The following DSCAM variants were observed in gnomAD, a reference collection of about 807,000 sequenced individuals.
DSCAM encodes the protein cell adhesion molecule DSCAM.
Under a neutral mutation model 217.7 loss-of-function variants are expected in DSCAM, and 47 were observed. That is an observed-to-expected ratio of 0.22 (90% CI 0.17 to 0.28). The LOEUF is 0.28. Ranked by LOEUF, DSCAM falls within the 10% of genes least tolerant of loss-of-function variation. DSCAM has a pLI of 1.00. For missense variants in DSCAM, 2,080 were observed against 2,618.3 expected (o/e 0.79, Z 4.49); for synonymous variants, 1,056 against 1,015.3 (o/e 1.04, Z -0.76).
intron 32 of DSCAM, among the ~76,000 whole-genome samples, chr21:40,039,308 TCA>T (rs146715485): frequency 0.022 from 3,099 of 141,748 alleles, 102 homozygotes; most frequent in African/African-American, 0.073. Flanking sequence ...GAAATAAAAA[TCA>T]AAAAAAAAAA....
At chr21:40,566,530 A>G (rs2076766146) in intron 3 of DSCAM, among the ~76,000 whole-genome samples, 1 of 152,242 alleles carries the variant, frequency 6.6e-6, no homozygotes, top group South Asian at 2.1e-4. Flanking sequence ...ATTATTCATT[A>G]TGCAAAAGTA....
intron 2 of DSCAM, 23 bp downstream of exon 2, chr21:40,708,431 A>G: frequency 7.2e-7 from 1 of 1,386,180 alleles, no homozygotes; most frequent in Non-Finnish European, 9.4e-7. Flanking sequence ...CACAGAAAAA[A>G]CAAAGCCCAG....
chr21:40,466,003 T>C (rs2075842196), intron 3 of DSCAM, among the ~76,000 whole-genome samples: 1 of 152,030 alleles, frequency 6.6e-6, no homozygotes, highest in Non-Finnish European at 1.5e-5. Context: ...CCTGCAAAAA[T>C]CTCAAAAAGA....
At chr21:40,698,026 T>G (rs1257081769) in intron 2 of DSCAM, among the ~76,000 whole-genome samples, 1 of 152,198 alleles carries the variant, frequency 6.6e-6, no homozygotes, top group Non-Finnish European at 1.5e-5. Context: ...TTCTTTATAT[T>G]TTTAGCATAT....
intron 32 of DSCAM, among the ~76,000 whole-genome samples, chr21:40,033,880 G>T (rs935080217): frequency 7.4e-6 from 1 of 135,288 alleles, no homozygotes; most frequent in Non-Finnish European, 1.6e-5. Context: ...CCGGACCCCC[G>T]AGCAGCCTAA....
chr21:40,485,344 G>A (rs1024596733), intron 3 of DSCAM, among the ~76,000 whole-genome samples: 10 of 147,984 alleles, frequency 6.8e-5, no homozygotes, highest in South Asian at 2.1e-4. Context: ...CCAGGTTCAC[G>A]CCATTCTCCT....
chr21:40,246,507 C>T (rs894135140), intron 11 of DSCAM, among the ~76,000 whole-genome samples: 3 of 150,878 alleles, frequency 2.0e-5, no homozygotes, highest in African/African-American at 7.3e-5. Flanking sequence ...CGCCACTGCA[C>T]TCCAGCCTGG....
At chr21:40,784,834 G>T (rs994476933) in intron 1 of DSCAM, among the ~76,000 whole-genome samples, 4 of 152,198 alleles carry the variant, frequency 2.6e-5, no homozygotes, top group African/African-American at 9.6e-5. Flanking sequence ...TAGACTTTCA[G>T]CCTCCAGTAC....
rs1248319261 is a variant in DSCAM, at chr21:40,522,892, C to T, written c.509-153647G>A. 2.6e-5 allele frequency among the ~76,000 whole-genome samples: 4 copies of T among 152,150 alleles called. No individual in the cohort carries two copies. In the East Asian group the frequency reaches 5.8e-4, roughly 22 times the overall value. ...TGTAATTGTCACATGCGGTAGGAAT[C>T]AATAATCGACAACATAATGACATTC... is the stretch of plus-strand genomic sequence containing the variant. On this transcript the variant is annotated intron_variant, in intron 3 of 32. Transcript: ENST00000400454.
chr21:40,699,221 A>G (rs2090628927), intron 2 of DSCAM, among the ~76,000 whole-genome samples: 1 of 152,186 alleles, frequency 6.6e-6, no homozygotes, highest in East Asian at 1.9e-4. Context: ...CACAAACCAC[A>G]TTTACAGAAG....
chr21:40,294,590 G>A (rs558427203), intron 10 of DSCAM, among the ~76,000 whole-genome samples: 1 of 152,148 alleles, frequency 6.6e-6, no homozygotes, highest in Non-Finnish European at 1.5e-5. Flanking sequence ...TCATTTGCTG[G>A]AGTGTTTATG....
intron 8 of DSCAM, among the ~76,000 whole-genome samples, chr21:40,328,196 A>C (rs904874068): frequency 6.6e-6 from 1 of 152,196 alleles, no homozygotes; most frequent in African/African-American, 2.4e-5. Context: ...AACAATCTTG[A>C]GGAAAAAGAA....
chr21:40,367,226 G>A (rs2074842798), intron 4 of DSCAM, among the ~76,000 whole-genome samples: 1 of 152,156 alleles, frequency 6.6e-6, no homozygotes, highest in Admixed American at 6.5e-5. Flanking sequence ...TTTTGGAGAT[G>A]GGGACCCGTT....
At chr21:40,692,048 A>T (rs988026907) in intron 3 of DSCAM, among the ~76,000 whole-genome samples, 2 of 152,282 alleles carry the variant, frequency 1.3e-5, no homozygotes, top group Non-Finnish European at 2.9e-5. Flanking sequence ...GCAACTATTT[A>T]TAATCCACAT....
At chr21:40,617,202 C>CA (rs2089412475) in intron 3 of DSCAM, among the ~76,000 whole-genome samples, 1 of 144,778 alleles carries the variant, frequency 6.9e-6, no homozygotes, top group African/African-American at 2.6e-5. Context: ...CGGCTCACTG[C>CA]AAGCTCCCCC....
intron 3 of DSCAM, among the ~76,000 whole-genome samples, chr21:40,427,786 G>T (rs562629373): frequency 5.9e-5 from 9 of 152,216 alleles, no homozygotes; most frequent in Non-Finnish European, 1.2e-4. Flanking sequence ...GCTGCCTGCC[G>T]CATGTGGCCT....
chr21:40,359,394 C>T (rs2074733041), intron 4 of DSCAM, among the ~76,000 whole-genome samples: 1 of 152,266 alleles, frequency 6.6e-6, no homozygotes, highest in East Asian at 1.9e-4. Flanking sequence ...GGTATACTTG[C>T]CAAATAAAAG....
At chr21:40,689,981 G>C (rs1259944094) in intron 3 of DSCAM, among the ~76,000 whole-genome samples, 2 of 152,076 alleles carry the variant, frequency 1.3e-5, no homozygotes, top group Admixed American at 6.5e-5. Context: ...CCAGTGTGGA[G>C]GGAGGGAGGG....
chr21:40,250,858 T>C (rs1468892523), intron 11 of DSCAM, among the ~76,000 whole-genome samples: 1 of 152,192 alleles, frequency 6.6e-6, no homozygotes, highest in Admixed American at 6.5e-5. Flanking sequence ...GGGAAAAGGG[T>C]GATGGCTGGG....
Sources: gnomAD v4.1 joint callset for allele counts (sites outside exome capture counted in the v4.1 genomes callset) on GRCh38, gnomAD v4.1.1 for gene constraint, MANE v1.5 for transcripts, NCBI Gene and HGNC (gene_info 2026-07-23, HGNC 2026-07-21) for gene names.